Variants in ACAN observed in about 807,000 individuals in gnomAD.
The protein encoded by ACAN is aggrecan core protein.
ACAN carries 47 observed loss-of-function variants against 169.1 expected under a neutral mutation model. That is an observed-to-expected ratio of 0.28 (90% CI 0.22 to 0.35). ACAN has a LOEUF of 0.35. Ranked by LOEUF, ACAN falls within the 10% of genes least tolerant of loss-of-function variation. The probability of loss-of-function intolerance (pLI) is 1.00; values close to 1 mark genes in which losing one functional copy is unlikely to be tolerated. For missense variants in ACAN, 2,716 were observed against 2,759.9 expected (o/e 0.98, Z 0.36); for synonymous variants, 1,115 against 1,112.2 (o/e 1.00, Z -0.05).
chr15:88,846,866 A>G (rs1896803652), intron 7 of ACAN, among the ~76,000 whole-genome samples: 1 of 152,252 alleles, frequency 6.6e-6, no homozygotes, highest in African/African-American at 2.4e-5. Flanking sequence ...AATATTTACC[A>G]TTCGGCTCTT....
rs1299598603 is a variant in ACAN at position 88,815,478 on chromosome 15, G to A, written c.-8+11669G>A. On this transcript the variant is annotated intron_variant, in intron 1 of 18. Coordinates refer to ENST00000560601, the MANE Select transcript of ACAN (RefSeq NM_001369268.1). ...GGAGACTAAGGTACAAGAATTGCTTGAACCCAGGAGGAGGAGGTTACAGTG... is the reference window on the plus strand; with the variant it reads ...GGAGACTAAGGTACAAGAATTGCTTAAACCCAGGAGGAGGAGGTTACAGTG... Among the ~76,000 whole-genome samples the A allele has an allele frequency of 2.0e-5, 3 of 151,166 alleles. No homozygotes were observed. The East Asian group carries it at 5.8e-4, about 29-fold the overall frequency.
chr15:88,827,562 G>A (rs1896255397), intron 1 of ACAN, among the ~76,000 whole-genome samples: 3 of 152,056 alleles, frequency 2.0e-5, no homozygotes, highest in African/African-American at 7.2e-5. Context: ...CATGTGAGTG[G>A]CACTTTTTAT....
In ACAN at chr15:88,859,240, G is replaced by C. The variant is rs371239048; in HGVS notation, c.6655G>C (p.Glu2219Gln). 15 of 1,613,800 alleles carry C rather than the reference G, an allele frequency of 9.3e-6. No homozygotes were observed. Among genetic ancestry groups the C allele is most frequent in the Middle Eastern group, 1.6e-4 (1 of 6,084 alleles). ...CGTTGTCATCAGCACCAGCATCCCAGAGTCTGAGTGGACCCAGCAGACCCA... is the reference window on the plus strand; with the variant it reads ...CGTTGTCATCAGCACCAGCATCCCACAGTCTGAGTGGACCCAGCAGACCCA... ...LGVVISTSIP[E>Q]SEWTQQTQRP... Residue 2219 changes from glutamate to glutamine, a missense_variant, in exon 12 of 19, where the codon GAG becomes CAG. Transcript: ENST00000560601.
At chr15:88,848,755 G>A (rs1181099113) in intron 9 of ACAN, among the ~76,000 whole-genome samples, 3 of 152,202 alleles carry the variant, frequency 2.0e-5, no homozygotes, top group East Asian at 1.9e-4. Context: ...CCACTCACTC[G>A]TTTCAAGACC....
Position 88,859,268 on chromosome 15 carries a change from G to T in ACAN, c.6683G>T (p.Arg2228Leu). Residue 2228 changes from arginine to leucine, a missense_variant, in exon 12 of 19, where the codon CGC becomes CTC. Physicochemically the swap from Arg to Leu is moderately radical, Grantham distance 102. Coordinates refer to ENST00000560601, the MANE Select transcript of ACAN (RefSeq NM_001369268.1). Reference sequence around the variant, plus strand: ...TCTGAGTGGACCCAGCAGACCCAGCGCCCTGCAGAGACGCATCTAGAAATT... The same window carrying T: ...TCTGAGTGGACCCAGCAGACCCAGCTCCCTGCAGAGACGCATCTAGAAATT... ...PESEWTQQTQRPAETHLEIES... is the reference protein window; with the variant it reads ...PESEWTQQTQLPAETHLEIES... 2 of 1,613,876 alleles carry T rather than the reference G, an allele frequency of 1.2e-6. No homozygotes were observed. Among genetic ancestry groups the T allele is most frequent in the Admixed American group, 1.7e-5 (1 of 60,002 alleles).
intron 1 of ACAN, among the ~76,000 whole-genome samples, chr15:88,826,374 C>CT (rs59069149): frequency 0.011 from 1,255 of 111,544 alleles, 14 homozygotes; most frequent in African/African-American, 0.031. Flanking sequence ...CCTTTTTTTT[C>CT]TTTTTTTTTT....
chr15:88,843,562 T>G lies in ACAN; in HGVS notation c.965T>G (p.Leu322Arg). The G allele has an allele frequency of 6.2e-7, 1 of 1,612,562 alleles. No homozygotes were observed. The change falls in exon 6 of 19, where the codon CTC becomes CGC. Residue 322 changes from leucine (L) to arginine (R), a missense_variant. By Grantham distance (102) the Leu-to-Arg change is moderately radical (BLOSUM62 -2). Around this residue, in one of 3 missense-constraint regions of ACAN, gnomAD observed 1,283 missense variants for 1,281.5 expected, o/e 1.00. Transcript: ENST00000560601. The surrounding 1 kb of genome is among the most constrained non-coding windows in gnomAD (Gnocchi z 4.0). Reference sequence around the variant, plus strand: ...GCCCGGCCCAACTGCGGTGGCAACCTCCTGGGCGTGAGGACCGTCTACGTG... The same window carrying G: ...GCCCGGCCCAACTGCGGTGGCAACCGCCTGGGCGTGAGGACCGTCTACGTG... The part of the protein sequence containing the change: ...SKARPNCGGN[L>R]LGVRTVYVHA...
intron 12 of ACAN, 84 bp downstream of exon 12, chr15:88,859,501 T>C: frequency 3.3e-6 from 5 of 1,538,150 alleles, no homozygotes; most frequent in Non-Finnish European, 4.4e-6. Context: ...CAGCATAGCT[T>C]TAAGGTTCCA....
rs1299578337 is a variant in ACAN, at chr15:88,807,049, T to A, written c.-8+3240T>A. On this transcript the variant is annotated intron_variant, in intron 1 of 18. Coordinates refer to ENST00000560601, the MANE Select transcript of ACAN (RefSeq NM_001369268.1). This position sits in a 1 kb window ranked among gnomAD's most constrained non-coding sequence, Gnocchi z 4.0. The stretch of plus-strand genomic sequence containing the variant: ...ATATATTTTTATTTAATTTTTTTTT[T>A]ACTATATTGGTCCCAATGATGTTTC... 6.6e-6 allele frequency among the ~76,000 whole-genome samples: 1 copy of A among 152,002 alleles called. No individual in the cohort carries two copies. The highest frequency in any genetic ancestry group is 1.9e-4 in the East Asian group (1 of 5,206).
chr15:88,838,667 T>C lies in ACAN; in HGVS notation c.75T>C (p.His25=). The change falls in exon 3 of 19, where the codon CAT becomes CAC. Residue 25 remains histidine, a synonymous_variant. Transcript: ENST00000560601. This position sits in a 1 kb window ranked among gnomAD's most constrained non-coding sequence, Gnocchi z 5.1. ...TACCCCACCTCTCCCACACAGACCA[T>C]GACAACTCGCTGAGTGTCAGCATCC... ...TAAVTVETSD[H]DNSLSVSIPQ... The C allele has an allele frequency of 2.5e-6, 4 of 1,579,874 alleles. No homozygotes were observed. Among genetic ancestry groups the C allele is most frequent in the Non-Finnish European group, 3.4e-6 (4 of 1,161,530 alleles).
At chr15:88,806,287 T>G (rs1159036252) in intron 1 of ACAN, among the ~76,000 whole-genome samples, 1 of 151,954 alleles carries the variant, frequency 6.6e-6, no homozygotes, top group Non-Finnish European at 1.5e-5. Context: ...CCCCAAGTTA[T>G]GGATAGCAAA....
At chr15:88,810,574 C>G (rs1252251641) in intron 1 of ACAN, among the ~76,000 whole-genome samples, 1 of 152,116 alleles carries the variant, frequency 6.6e-6, no homozygotes, top group African/African-American at 2.4e-5. Context: ...CTCCCTTTGA[C>G]CTGCATATCC....
intron 1 of ACAN, among the ~76,000 whole-genome samples, chr15:88,829,529 C>T (rs1031082572): frequency 6.6e-6 from 1 of 152,150 alleles, no homozygotes; most frequent in African/African-American, 2.4e-5. Context: ...GTTTGAAATC[C>T]CAGCCTCGAG....
Position 88,849,982 on chromosome 15 carries a change from T to G in ACAN, c.2026+251T>G. The G allele has an allele frequency of 1.6e-6, 1 of 625,582 alleles. No individual in the cohort carries two copies. Among genetic ancestry groups the G allele is most frequent in the East Asian group, 2.7e-5 (1 of 36,490 alleles). The allele number at this position is 625,582 out of a possible 1,614,324, so 38.8% of individuals were successfully genotyped here. Reference sequence around the variant, plus strand: ...AGCTGGTATTTATGTCTACTAGAAATGAAGCAGACCTGAATTTGAGTTATG... The same window carrying G: ...AGCTGGTATTTATGTCTACTAGAAAGGAAGCAGACCTGAATTTGAGTTATG... On this transcript the variant is annotated intron_variant, in intron 10 of 18. Transcript: ENST00000560601. The surrounding 1 kb of genome is among the most constrained non-coding windows in gnomAD (Gnocchi z 5.1).
At chr15:88,818,546 G>A (rs1895998041) in intron 1 of ACAN, among the ~76,000 whole-genome samples, 1 of 152,198 alleles carries the variant, frequency 6.6e-6, no homozygotes, top group Non-Finnish European at 1.5e-5. Context: ...CACCAAGCAT[G>A]TGTCTGGTGT....
rs1057017212 is a variant in ACAN, at chr15:88,849,208, G to A, written c.1733-230G>A. Among the ~76,000 whole-genome samples, 2 of 152,196 alleles carry A rather than the reference G, an allele frequency of 1.3e-5. No homozygotes were observed. The highest frequency in any genetic ancestry group is 4.8e-5 in the African/African-American group (2 of 41,452). ...CGGGAATTTTGCCTTTTTTGGCACCGAAAGTCCTATGTACCGGGAAACCCC... is the reference window on the plus strand; with the variant it reads ...CGGGAATTTTGCCTTTTTTGGCACCAAAAGTCCTATGTACCGGGAAACCCC... On this transcript the variant is annotated intron_variant, in intron 9 of 18. Transcript: ENST00000560601. This position sits in a 1 kb window ranked among gnomAD's most constrained non-coding sequence, Gnocchi z 5.1.
rs1897349817 is a variant in ACAN at position 88,870,236 on chromosome 15, C to T, written c.7061-1146C>T. On this transcript the variant is annotated intron_variant, in intron 14 of 18. Transcript: ENST00000560601. The surrounding 1 kb of genome is among the most constrained non-coding windows in gnomAD (Gnocchi z 6.3). Reference sequence around the variant, plus strand: ...TTTGCCAAGCATCCACCCCTTCAGCCTAAGACTCCTTCCCCTCGGGTACTG... The same window carrying T: ...TTTGCCAAGCATCCACCCCTTCAGCTTAAGACTCCTTCCCCTCGGGTACTG... Among the ~76,000 whole-genome samples, 1 of 152,196 alleles carries T rather than the reference C, an allele frequency of 6.6e-6. No homozygotes were observed. Among genetic ancestry groups the T allele is most frequent in the Non-Finnish European group, 1.5e-5 (1 of 68,044 alleles).
At chr15:88,848,235 G>A (rs140440826) in intron 9 of ACAN, among the ~76,000 whole-genome samples, 197 bp downstream of exon 9, 6 of 152,120 alleles carry the variant, frequency 3.9e-5, no homozygotes, top group African/African-American at 1.4e-4. Flanking sequence ...CTCTCCTACT[G>A]AATGTTTCAT....
chr15:88,859,316 CAGG>C lies in ACAN; in HGVS notation c.6734_6736del (p.Gly2245del). ...ATTGAGTCCTCAAGCCTCCTGTACTCAGGAGAAGAGACTCACACAGTCGAAACA... is the reference window on the plus strand; with the variant it reads ...ATTGAGTCCTCAAGCCTCCTGTACTCAGAAGAGACTCACACAGTCGAAACA... On this transcript the variant is annotated inframe_deletion, in exon 12 of 19. Transcript: ENST00000560601. The C allele has an allele frequency of 1.2e-6, 2 of 1,610,528 alleles. No individual in the cohort carries two copies. Among genetic ancestry groups the C allele is most frequent in the Non-Finnish European group, 1.7e-6 (2 of 1,178,310 alleles).
Sources: allele counts gnomAD v4.1 joint callset (sites outside exome capture counted in the v4.1 genomes callset), GRCh38; gene constraint gnomAD v4.1.1; regional missense constraint gnomAD v4.1.1; non-coding constraint Gnocchi (gnomAD v3.1); transcripts MANE v1.5; gene names NCBI Gene and HGNC (gene_info 2026-07-23, HGNC 2026-07-21).